PPP2R5C: variants seen among roughly 807,000 people sequenced by gnomAD.
PPP2R5C encodes protein phosphatase 2 regulatory subunit B'gamma.
In PPP2R5C, 7 loss-of-function variants were observed where a neutral mutation model predicts 68.9. That is an observed-to-expected ratio of 0.10 (90% confidence interval 0.06 to 0.19). PPP2R5C has a LOEUF of 0.19. PPP2R5C is among the 10% of genes least tolerant of loss of function. The pLI is 1.00. For synonymous variants in PPP2R5C, 210 were observed against 222.2 expected (o/e 0.95, Z 0.49); for missense variants, 348 against 641.3 (o/e 0.54, Z 4.94).
intron 5 of PPP2R5C, among the ~76,000 whole-genome samples, chr14:101,886,149 C>T (rs1021371704): frequency 3.9e-5 from 6 of 152,020 alleles, no homozygotes; most frequent in African/African-American, 4.8e-5. Flanking sequence ...GGCGTGGTGG[C>T]GGGCACCTGT....
chr14:101,888,390 G>C lies in PPP2R5C; in HGVS notation c.630-1847G>C, dbSNP rs1336416080. Among the ~76,000 whole-genome samples the C allele has an allele frequency of 6.6e-6, 1 of 152,036 alleles. No homozygotes were observed. The highest frequency in any genetic ancestry group is 2.4e-5 in the African/African-American group (1 of 41,372). Reference sequence around the variant, plus strand: ...AGGTGCAGGCTGAGGGACACCAGGTGCGAGCATTTTCTGTTTCTTGTCATG... The same window carrying C: ...AGGTGCAGGCTGAGGGACACCAGGTCCGAGCATTTTCTGTTTCTTGTCATG... On this transcript the variant is annotated intron_variant, in intron 5 of 13. Transcript: ENST00000334743. The surrounding 1 kb of genome is among the most constrained non-coding windows in gnomAD (Gnocchi z 5.6).
intron 13 of PPP2R5C, among the ~76,000 whole-genome samples, chr14:101,924,445 C>CTTTTTTTTTATTTTTTTTTTTTTTTTT (rs2047179080): frequency 1.2e-5 from 1 of 84,502 alleles, no homozygotes. Context: ...ATTTCTACAT[C>CTTTTTTTTTATTTTTTTTTTTTTTTTT]TTTTTTTTTT....
At chr14:101,810,588 A>G (rs528431569) in intron 1 of PPP2R5C, among the ~76,000 whole-genome samples, 3 of 152,336 alleles carry the variant, frequency 2.0e-5, no homozygotes, top group Admixed American at 2.0e-4. Flanking sequence ...TCCACTTTGA[A>G]ATATTGAAAT....
intron 1 of PPP2R5C, among the ~76,000 whole-genome samples, chr14:101,840,507 AAAG>A (rs1331602300): frequency 1.3e-5 from 2 of 150,844 alleles, no homozygotes; most frequent in Admixed American, 6.6e-5. Context: ...AAAAAAAAAA[AAAG>A]CTCCACTCCA....
chr14:101,848,127 G>GA (rs1262771185), intron 1 of PPP2R5C, among the ~76,000 whole-genome samples: 2 of 152,058 alleles, frequency 1.3e-5, no homozygotes, highest in Non-Finnish European at 2.9e-5. Flanking sequence ...TATATAAATA[G>GA]AAAAAAATTA....
chr14:101,885,211 G>A lies in PPP2R5C; in HGVS notation c.629+1649G>A, dbSNP rs567559056. 9.7e-4 allele frequency among the ~76,000 whole-genome samples: 148 copies of A among 152,306 alleles called. 1 individual carries two copies. Among genetic ancestry groups the A allele is most frequent in the South Asian group, 5.4e-3 (26 of 4,826 alleles). On this transcript the variant is annotated intron_variant, in intron 5 of 13. Transcript: ENST00000334743. ...GTCAGCCACGCCCAACACGGGCCTC[G>A]GGGTCCTTTCTTAGTCACAGTGACC...
At chr14:101,780,879 C>T (rs1354945836) in intron 2 of PPP2R5C, among the ~76,000 whole-genome samples, 1 of 152,146 alleles carries the variant, frequency 6.6e-6, no homozygotes. Flanking sequence ...TGGGGTCCAG[C>T]ATTTGGCTCA....
chr14:101,908,122 A>G (rs563105432), intron 10 of PPP2R5C, among the ~76,000 whole-genome samples: 1 of 152,352 alleles, frequency 6.6e-6, no homozygotes, highest in South Asian at 2.1e-4. Flanking sequence ...CTGAGAAAGT[A>G]AAGTGCTTTG....
chr14:101,823,050 A>T (rs1002021626), intron 1 of PPP2R5C, among the ~76,000 whole-genome samples: 1 of 152,138 alleles, frequency 6.6e-6, no homozygotes, highest in African/African-American at 2.4e-5. Flanking sequence ...TGTAAAAAGG[A>T]GGAGAGCCTT....
At chr14:101,902,489 C>T (rs2045747739) in intron 9 of PPP2R5C, among the ~76,000 whole-genome samples, 1 of 152,188 alleles carries the variant, frequency 6.6e-6, no homozygotes, top group South Asian at 2.1e-4. Context: ...CTCTGTTGGA[C>T]GTGCTAGCCA....
In PPP2R5C at chr14:101,797,715, A is replaced by C. The variant is rs1261889440; in HGVS notation, c.259+11532A>C. The C allele has an allele frequency of 6.0e-6, 1 of 167,092 alleles. No homozygotes were observed. Among genetic ancestry groups the C allele is most frequent in the East Asian group, 1.7e-4 (1 of 5,880 alleles). 10.4% of individuals were successfully genotyped at this position (167,092 alleles called of 1,614,324 possible). On this transcript the variant is annotated intron_variant, in intron 3 of 14. Transcript: ENST00000328724. This position sits in a 1 kb window ranked among gnomAD's most constrained non-coding sequence, Gnocchi z 4.2. ...AGCATGAAAGCACTCCGATGTATGC[A>C]TACTTTTACTTCGCGTTGGTTCCCT... is the stretch of plus-strand genomic sequence containing the variant.
upstream of PPP2R5C, among the ~76,000 whole-genome samples, chr14:101,809,392 T>TAA (rs549966280): frequency 3.2e-4 from 37 of 116,564 alleles, no homozygotes; most frequent in African/African-American, 9.9e-4. Flanking sequence ...AACCATTTGT[T>TAA]AAAAAAAAAA....
chr14:101,863,061 A>G (rs149534548), intron 2 of PPP2R5C, among the ~76,000 whole-genome samples: 1 of 152,052 alleles, frequency 6.6e-6, no homozygotes, highest in East Asian at 1.9e-4. Flanking sequence ...TAATCCCAAC[A>G]CTTTGGGAGG....
chr14:101,865,787 A>G (rs2043025441), intron 2 of PPP2R5C, among the ~76,000 whole-genome samples: 2 of 152,112 alleles, frequency 1.3e-5, no homozygotes, highest in African/African-American at 4.8e-5. Flanking sequence ...AGAAAGAGAC[A>G]AGCCTCCAAG....
chr14:101,910,261 G>A (rs1389599637), intron 11 of PPP2R5C, among the ~76,000 whole-genome samples: 1 of 152,210 alleles, frequency 6.6e-6, no homozygotes, highest in East Asian at 1.9e-4. Context: ...TGATTAAATA[G>A]TTGTTGGAGG....
At chr14:101,872,598 A>C (rs1016496330) in intron 2 of PPP2R5C, among the ~76,000 whole-genome samples, 8 of 151,596 alleles carry the variant, frequency 5.3e-5, no homozygotes, top group Non-Finnish European at 1.0e-4. Flanking sequence ...TCCTTGAAAA[A>C]CTTTTGCTCG....
At chr14:101,920,899 GA>G (rs1195337588) in intron 13 of PPP2R5C, among the ~76,000 whole-genome samples, 1 of 152,016 alleles carries the variant, frequency 6.6e-6, no homozygotes, top group Non-Finnish European at 1.5e-5. Flanking sequence ...CTGCAGTGCT[GA>G]GATTACAGGT....
At chr14:101,910,514 T>C (rs993630090) in intron 11 of PPP2R5C, among the ~76,000 whole-genome samples, 1 of 152,198 alleles carries the variant, frequency 6.6e-6, no homozygotes, top group African/African-American at 2.4e-5. Context: ...TCTGGCAATA[T>C]AGCAATGAAT....
upstream of PPP2R5C, among the ~76,000 whole-genome samples, chr14:101,761,421 G>T (rs1456853810): frequency 6.6e-6 from 1 of 151,768 alleles, no homozygotes; most frequent in Non-Finnish European, 1.5e-5. Flanking sequence ...CGCGCCAGGA[G>T]GCCGCGGCCT....
Sources: gnomAD v4.1 joint callset for allele counts (sites outside exome capture counted in the v4.1 genomes callset) on GRCh38, gnomAD v4.1.1 for gene constraint, Gnocchi (gnomAD v3.1) non-coding constraint, MANE v1.5 for transcripts, NCBI Gene and HGNC (gene_info 2026-07-23, HGNC 2026-07-21) for gene names.